Variants in APBA1 observed in about 807,000 individuals in gnomAD.
APBA1 encodes the protein amyloid beta precursor protein binding family A member 1, also known as amyloid-beta A4 precursor protein-binding family A member 1.
Under a neutral mutation model 86.6 loss-of-function variants are expected in APBA1, and 55 were observed. That is an observed-to-expected ratio of 0.64 (90% CI 0.51 to 0.80). The LOEUF (loss-of-function observed/expected upper bound fraction) is 0.80, where lower values mean the gene tolerates loss of function less well. Ranked by LOEUF, APBA1 falls within the 30% of genes least tolerant of loss-of-function variation. The probability of loss-of-function intolerance (pLI) is 0.00; values close to 1 mark genes in which losing one functional copy is unlikely to be tolerated. For missense variants in APBA1, 1,090 were observed against 1,183.0 expected (o/e 0.92, Z 1.15); for synonymous variants, 511 against 493.9 (o/e 1.03, Z -0.46).
At chr9:69,632,148 GA>G (rs1564097284) in intron 1 of APBA1, among the ~76,000 whole-genome samples, 1 of 151,920 alleles carries the variant, frequency 6.6e-6, no homozygotes, top group Non-Finnish European at 1.5e-5. Context: ...TTAAAGGGAA[GA>G]GAAAGAAAAG....
At chr9:69,658,358 C>CTTTCTTTCTTTCTT (rs1251514928) in intron 1 of APBA1, among the ~76,000 whole-genome samples, 2 of 126,094 alleles carry the variant, frequency 1.6e-5, no homozygotes, top group African/African-American at 5.9e-5. Flanking sequence ...TTCTTTCTTT[C>CTTTCTTTCTTTCTT]TGTGTTTCTC....
At chr9:69,485,378 G>A (rs1257232680) in intron 2 of APBA1, among the ~76,000 whole-genome samples, 1 of 151,856 alleles carries the variant, frequency 6.6e-6, no homozygotes, top group Non-Finnish European at 1.5e-5. Flanking sequence ...TGTCCATTAC[G>A]TCCAACTTCC....
intron 1 of APBA1, among the ~76,000 whole-genome samples, chr9:69,536,874 T>C (rs1369738910): frequency 3.3e-5 from 5 of 150,654 alleles, no homozygotes; most frequent in African/African-American, 4.9e-5. Flanking sequence ...AGCAAGACTC[T>C]GTCTCAAAAA....
At chr9:69,432,263 CA>C (rs1312575056) in intron 12 of APBA1, among the ~76,000 whole-genome samples, 1 of 152,206 alleles carries the variant, frequency 6.6e-6, no homozygotes. Context: ...AGAAAAGCAA[CA>C]GAAAGCTGAG....
intron 2 of APBA1, among the ~76,000 whole-genome samples, chr9:69,513,872 T>A (rs1330912309): frequency 6.6e-6 from 1 of 152,178 alleles, no homozygotes; most frequent in Non-Finnish European, 1.5e-5. Flanking sequence ...AAGATATATA[T>A]TGAGAAATGG....
rs573879413 is a variant in APBA1, at chr9:69,450,334, T to C, written c.1969-538A>G. 4.6e-5 allele frequency among the ~76,000 whole-genome samples: 7 copies of C among 152,126 alleles called. No homozygotes were observed. The South Asian group carries it at 1.5e-3, about 32-fold the overall frequency. ...GTTATCACAACCAAAAGGCTGGGTG[T>C]GCACACAGGAAGTGCATATCCTGGA... On this transcript the variant is annotated intron_variant, in intron 9 of 12. Coordinates refer to ENST00000265381, the MANE Select transcript of APBA1 (RefSeq NM_001163.4).
intron 10 of APBA1, among the ~76,000 whole-genome samples, chr9:69,441,340 G>C (rs564952314): frequency 6.6e-6 from 1 of 152,198 alleles, no homozygotes; most frequent in African/African-American, 2.4e-5. Context: ...CTTAGCCCAC[G>C]CACAGATGGG....
At chr9:69,659,491 T>C (rs1823709033) in intron 1 of APBA1, among the ~76,000 whole-genome samples, 1 of 152,156 alleles carries the variant, frequency 6.6e-6, no homozygotes, top group African/African-American at 2.4e-5. Flanking sequence ...CACATCACCA[T>C]GCAGTCCTCT....
At chr9:69,595,433 G>T (rs1240801204) in intron 1 of APBA1, among the ~76,000 whole-genome samples, 1 of 152,246 alleles carries the variant, frequency 6.6e-6, no homozygotes, top group African/African-American at 2.4e-5. Context: ...CTCTGAGATT[G>T]TCTGGTGCCC....
intron 1 of APBA1, among the ~76,000 whole-genome samples, chr9:69,551,296 C>G (rs1854701): frequency 0.37 from 56,204 of 151,942 alleles, 11,960 homozygotes; most frequent in Non-Finnish European, 0.47. Context: ...GCTCATGCCT[C>G]TAATCCCAGC....
At chr9:69,630,369 T>C (rs1823018068) in intron 1 of APBA1, among the ~76,000 whole-genome samples, 1 of 152,134 alleles carries the variant, frequency 6.6e-6, no homozygotes, top group Non-Finnish European at 1.5e-5. Context: ...CTCTGCTACA[T>C]TGTTATCCTC....
At chr9:69,604,508 G>A (rs1444868039) in intron 1 of APBA1, among the ~76,000 whole-genome samples, 5 of 141,356 alleles carry the variant, frequency 3.5e-5, no homozygotes, top group Non-Finnish European at 7.6e-5. Context: ...ATGAGTGTGG[G>A]CACATGCACA....
chr9:69,627,009 CT>C (rs1822947183), intron 1 of APBA1, among the ~76,000 whole-genome samples: 1 of 152,034 alleles, frequency 6.6e-6, no homozygotes, highest in Non-Finnish European at 1.5e-5. Flanking sequence ...TTAAAAGTGC[CT>C]TCCAGTCACT....
intron 1 of APBA1, among the ~76,000 whole-genome samples, chr9:69,584,027 G>A (rs1313793384): frequency 1.3e-5 from 2 of 152,230 alleles, no homozygotes; most frequent in East Asian, 1.9e-4. Context: ...TCAGGCAACT[G>A]AGGAATGGCT....
At chr9:69,489,295 A>C (rs1038126619) in intron 2 of APBA1, among the ~76,000 whole-genome samples, 1 of 152,104 alleles carries the variant, frequency 6.6e-6, no homozygotes, top group Non-Finnish European at 1.5e-5. Flanking sequence ...AGACCAATGG[A>C]ACAGAACAGA....
intron 1 of APBA1, among the ~76,000 whole-genome samples, chr9:69,549,098 A>G (rs1836743955): frequency 6.6e-6 from 1 of 152,240 alleles, no homozygotes; most frequent in African/African-American, 2.4e-5. Flanking sequence ...TGAGTGAAGC[A>G]AGCCAGGTAG....
chr9:69,513,146 T>C (rs904034109), intron 2 of APBA1, among the ~76,000 whole-genome samples: 19 of 152,242 alleles, frequency 1.2e-4, no homozygotes, highest in Admixed American at 5.2e-4. Context: ...TGATCCATAT[T>C]GATTTCTTAG....
chr9:69,462,017 A>G (rs552107634), intron 5 of APBA1: 1 of 152,374 alleles, frequency 6.6e-6, no homozygotes, highest in South Asian at 2.1e-4. Flanking sequence ...TCATAAAAGA[A>G]TGAAAAAAAT....
At chr9:69,658,549 T>G (rs996073795) in intron 1 of APBA1, among the ~76,000 whole-genome samples, 1 of 142,778 alleles carries the variant, frequency 7.0e-6, no homozygotes, top group Non-Finnish European at 1.5e-5. Context: ...ATTACAGGCG[T>G]GCACCACCAT....
Sources: gnomAD v4.1 joint callset for allele counts (sites outside exome capture counted in the v4.1 genomes callset) on GRCh38, gnomAD v4.1.1 for gene constraint, MANE v1.5 for transcripts, NCBI Gene and HGNC (gene_info 2026-07-23, HGNC 2026-07-21) for gene names.